SLC35F2: variants seen among roughly 807,000 people sequenced by gnomAD.
SLC35F2 encodes the protein solute carrier family 35 member F2.
A neutral mutation model predicts 38.1 loss-of-function variants in SLC35F2; 25 were observed. The observed-to-expected ratio is 0.66, with a 90% CI of 0.48 to 0.92. SLC35F2 has a LOEUF of 0.92. SLC35F2 is among the 40% of genes least tolerant of loss of function. SLC35F2 has a pLI of 0.00. For missense variants in SLC35F2, 409 were observed against 452.9 expected, an observed-to-expected ratio of 0.90 and a Z score of 0.88; for synonymous variants, 173 against 181.7, an observed-to-expected ratio of 0.95 and a Z score of 0.38.
chr11:107,818,303 C>T (rs762116793), intron 1 of SLC35F2, among the ~76,000 whole-genome samples: 11 of 151,934 alleles, frequency 7.2e-5, no homozygotes, highest in South Asian at 2.1e-4. Flanking sequence ...CAGTAGTGCA[C>T]GCCTGTAATC....
chr11:107,842,255 C>CATAAAAAA (rs1565440163), intron 1 of SLC35F2, among the ~76,000 whole-genome samples: 1 of 684 alleles, frequency 1.5e-3, no homozygotes, highest in Non-Finnish European at 2.2e-3. Context: ...GACTCCGTCT[C>CATAAAAAA]ACAAAAAAAA....
chr11:107,858,534 G>A (rs1185378024), intron 1 of SLC35F2, 124 bp downstream of exon 1: 1 of 891,822 alleles, frequency 1.1e-6, no homozygotes, highest in Non-Finnish European at 1.5e-6. Flanking sequence ...ACCGAAGTCC[G>A]TGCGGCCGCC....
At chr11:107,822,000 G>A (rs779775567) in intron 1 of SLC35F2, among the ~76,000 whole-genome samples, 6 of 152,030 alleles carry the variant, frequency 3.9e-5, no homozygotes, top group Non-Finnish European at 8.8e-5. Flanking sequence ...CACTTTGGGA[G>A]GCCAAGGCAG....
chr11:107,843,839 T>C (rs1860050498), intron 1 of SLC35F2, among the ~76,000 whole-genome samples: 1 of 110,980 alleles, frequency 9.0e-6, no homozygotes, highest in Non-Finnish European at 1.7e-5. Context: ...AGTGAGACTC[T>C]GTATCTTAAA....
At chr11:107,836,490 G>A (rs984116994) in intron 1 of SLC35F2, among the ~76,000 whole-genome samples, 1 of 152,200 alleles carries the variant, frequency 6.6e-6, no homozygotes, top group Non-Finnish European at 1.5e-5. Context: ...TGTAGATGTG[G>A]ATTAACCAGG....
chr11:107,803,776 AACAC>A (rs71047623), intron 6 of SLC35F2, among the ~76,000 whole-genome samples: 67 of 149,476 alleles, frequency 4.5e-4, no homozygotes, highest in Admixed American at 6.7e-4. Context: ...TCCCATACTC[AACAC>A]ACACACACAC....
chr11:107,809,668 C>A, intron 3 of SLC35F2: 2 of 981,400 alleles, frequency 2.0e-6, no homozygotes, highest in Non-Finnish European at 2.4e-6. Flanking sequence ...TGGATGTCTT[C>A]TCTGTTTCAG....
At chr11:107,835,901 ATCTAAC>A (rs1182601281) in intron 1 of SLC35F2, among the ~76,000 whole-genome samples, 2 of 152,190 alleles carry the variant, frequency 1.3e-5, no homozygotes, top group Non-Finnish European at 2.9e-5. Context: ...GTAGGATGAG[ATCTAAC>A]CAAATCTGGG....
At chr11:107,803,466 C>CAG (rs149624960) in intron 6 of SLC35F2, 70,879 of 982,960 alleles carry the variant, frequency 0.072, 4,728 homozygotes, top group East Asian at 0.42. Context: ...CCTGCCAGGA[C>CAG]AGCGATGCCT....
chr11:107,805,993 G>A (rs1301040550), intron 4 of SLC35F2, among the ~76,000 whole-genome samples: 1 of 152,090 alleles, frequency 6.6e-6, no homozygotes, highest in Non-Finnish European at 1.5e-5. Context: ...ATGTTGGCCA[G>A]GCTGGTCTCG....
chr11:107,809,780 A>G (rs1859454041), intron 3 of SLC35F2: 1 of 985,012 alleles, frequency 1.0e-6, no homozygotes, highest in South Asian at 4.7e-5. Context: ...AAGTTAGATC[A>G]TATTAGAGGT....
intron 1 of SLC35F2, among the ~76,000 whole-genome samples, chr11:107,830,036 A>C (rs1482580522): frequency 1.3e-5 from 2 of 151,970 alleles, no homozygotes; most frequent in African/African-American, 2.4e-5. Flanking sequence ...CCAAGGCGGG[A>C]GGATCACCTA....
chr11:107,807,625 C>T (rs888357964), intron 3 of SLC35F2, among the ~76,000 whole-genome samples: 5 of 151,032 alleles, frequency 3.3e-5, no homozygotes, highest in Admixed American at 6.6e-5. Flanking sequence ...CAAGCTGGAG[C>T]GCAGTGGTGC....
rs1448908068 is a variant in SLC35F2 at position 107,817,472 on chromosome 11, AT to A, written c.111-1508del. Among the ~76,000 whole-genome samples the A allele has an allele frequency of 5.9e-5, 9 of 152,240 alleles. No homozygotes were observed. The South Asian group carries it at 1.5e-3, about 25-fold the overall frequency. On this transcript the variant is annotated intron_variant, in intron 1 of 7. Transcript: ENST00000525815. ...TAAGCATTCTTCCTATCCTACTCTC[AT>A]TCTACCCAAATCCAGTCTCCACACT...
intron 1 of SLC35F2, among the ~76,000 whole-genome samples, chr11:107,840,999 C>T (rs968753094): frequency 3.3e-5 from 5 of 152,090 alleles, no homozygotes; most frequent in Non-Finnish European, 7.4e-5. Flanking sequence ...AGGCCCCAAA[C>T]CAGAAAAACT....
At position 107,792,579 on chromosome 11, in the gene SLC35F2, T is replaced by G; in HGVS notation, c.*36A>C. The G allele has an allele frequency of 6.4e-7, 1 of 1,568,918 alleles. No individual in the cohort carries two copies. Among genetic ancestry groups the G allele is most frequent in the Non-Finnish European group, 8.6e-7 (1 of 1,159,026 alleles). On this transcript the variant is annotated 3_prime_UTR_variant, in exon 8 of 8. Transcript: ENST00000525815. The stretch of plus-strand genomic sequence containing the variant: ...CCTCAGCAGGCAGCAGGCTCTGCTT[T>G]ATCCTGGTGGGGGATGGGTGCGCCA...
At chr11:107,823,221 T>C (rs147617999) in intron 1 of SLC35F2, 19,090 of 985,168 alleles carry the variant, frequency 0.019, 216 homozygotes, top group Middle Eastern at 0.03. Flanking sequence ...GTCTAAGACA[T>C]GATCAGGACG....
intron 1 of SLC35F2, chr11:107,821,448 GA>G: frequency 1.0e-6 from 1 of 985,390 alleles, no homozygotes; most frequent in Non-Finnish European, 1.2e-6. Context: ...GAGCAAGAGT[GA>G]GAGAGAAAAG....
intron 1 of SLC35F2, among the ~76,000 whole-genome samples, chr11:107,830,381 C>T (rs1020905145): frequency 2.6e-5 from 4 of 151,854 alleles, no homozygotes; most frequent in Non-Finnish European, 2.9e-5. Context: ...GTCAAGAGAT[C>T]GAGAACATCC....
Sources: allele counts gnomAD v4.1 joint callset (sites outside exome capture counted in the v4.1 genomes callset), GRCh38; gene constraint gnomAD v4.1.1; transcripts MANE v1.5; gene names NCBI Gene and HGNC (gene_info 2026-07-23, HGNC 2026-07-21).